Variants in RCAN1 observed in about 807,000 individuals in gnomAD.
RCAN1 encodes regulator of calcineurin 1.
A neutral mutation model predicts 22.9 loss-of-function variants in RCAN1; 11 were observed. That is an observed-to-expected ratio of 0.48 (90% CI 0.30 to 0.79). The LOEUF is 0.79. Ranked by LOEUF, RCAN1 falls within the 30% of genes least tolerant of loss-of-function variation. The pLI, the probability that RCAN1 is intolerant of heterozygous loss-of-function variation, is 0.06. For missense variants in RCAN1, 291 were observed against 337.8 expected, an observed-to-expected ratio of 0.86 and a Z score of 1.09; for synonymous variants, 136 against 142.3, an observed-to-expected ratio of 0.96 and a Z score of 0.32.
rs535671387 is a variant in RCAN1 at position 34,611,486 on chromosome 21, A to G, written c.252+3274T>C. ...ACAGCTTCTGATGTAAATTTTCAAAAGAATTCTAGTTCAGGTTAATTTTTT... is the reference window on the plus strand; with the variant it reads ...ACAGCTTCTGATGTAAATTTTCAAAGGAATTCTAGTTCAGGTTAATTTTTT... On this transcript the variant is annotated intron_variant, in intron 1 of 3. Coordinates refer to ENST00000313806, the MANE Select transcript of RCAN1 (RefSeq NM_004414.7). Among the ~76,000 whole-genome samples the G allele has an allele frequency of 1.7e-3, 262 of 152,330 alleles. 2 individuals carry two copies. Among genetic ancestry groups the G allele is most frequent in the Non-Finnish European group, 2.9e-3 (194 of 68,024 alleles).
chr21:34,565,552 C>T (rs1986971677), intron 1 of RCAN1, among the ~76,000 whole-genome samples: 1 of 152,212 alleles, frequency 6.6e-6, no homozygotes, highest in Admixed American at 6.5e-5. Flanking sequence ...CACAGGAGTA[C>T]AGCCATAACT....
intron 1 of RCAN1, among the ~76,000 whole-genome samples, chr21:34,543,056 G>A (rs2123628293): frequency 6.6e-6 from 1 of 152,320 alleles, no homozygotes; most frequent in East Asian, 1.9e-4. Flanking sequence ...TGGTGGTGGT[G>A]GCACAAATTG....
chr21:34,599,488 T>C (rs1289327228), intron 1 of RCAN1, among the ~76,000 whole-genome samples: 1 of 152,072 alleles, frequency 6.6e-6, no homozygotes, highest in Non-Finnish European at 1.5e-5. Context: ...AAGAAATACA[T>C]TGAGTCTACT....
In RCAN1 at chr21:34,561,697, T is replaced by C. The variant is rs181364983; in HGVS notation, c.253-37987A>G. Among the ~76,000 whole-genome samples, 6 of 152,300 alleles carry C rather than the reference T, an allele frequency of 3.9e-5. No individual in the cohort carries two copies. In the East Asian group the frequency reaches 7.7e-4, roughly 20 times the overall value. On this transcript the variant is annotated intron_variant, in intron 1 of 3. Coordinates refer to ENST00000313806, the MANE Select transcript of RCAN1 (RefSeq NM_004414.7). ...AAGTTAGCTACCTCAGTAAACTGTT[T>C]ATGAAAAAAAGAGAAGCTAAACATG...
intron 1 of RCAN1, among the ~76,000 whole-genome samples, chr21:34,607,267 A>G (rs1252098697): frequency 6.6e-6 from 1 of 152,248 alleles, no homozygotes; most frequent in Non-Finnish European, 1.5e-5. Context: ...ATGTTAAACT[A>G]TAGTGGCTAA....
chr21:34,556,313 T>C (rs996554350), intron 1 of RCAN1, among the ~76,000 whole-genome samples: 4 of 149,800 alleles, frequency 2.7e-5, no homozygotes, highest in Admixed American at 2.7e-4. Context: ...CTAGTCCCAG[T>C]TACTTGGGAG....
At chr21:34,601,614 C>G (rs533303440) in intron 1 of RCAN1, among the ~76,000 whole-genome samples, 2 of 152,092 alleles carry the variant, frequency 1.3e-5, no homozygotes, top group Non-Finnish European at 2.9e-5. Flanking sequence ...GTCAGGAGAT[C>G]GAGATCATCT....
chr21:34,532,698 C>T (rs1985454017), intron 1 of RCAN1, among the ~76,000 whole-genome samples: 2 of 152,210 alleles, frequency 1.3e-5, no homozygotes, highest in African/African-American at 4.8e-5. Context: ...CGACAGATGT[C>T]ATCTCATTCA....
intron 1 of RCAN1, among the ~76,000 whole-genome samples, chr21:34,575,612 T>A (rs894579940): frequency 6.6e-6 from 1 of 152,150 alleles, no homozygotes; most frequent in African/African-American, 2.4e-5. Flanking sequence ...AGCCTCAACC[T>A]CCCGGGCTCA....
intron 1 of RCAN1, among the ~76,000 whole-genome samples, chr21:34,566,014 G>A (rs944795742): frequency 3.3e-5 from 5 of 152,158 alleles, no homozygotes; most frequent in South Asian, 2.1e-4. Context: ...AACCTGCTAC[G>A]TCTCTGGAAT....
intron 1 of RCAN1, among the ~76,000 whole-genome samples, chr21:34,527,178 CT>C (rs1985119350): frequency 6.6e-6 from 1 of 152,112 alleles, no homozygotes; most frequent in South Asian, 2.1e-4. Context: ...GACGACCCTT[CT>C]TAAGATGGAA....
At chr21:34,522,020 C>T (rs1984600799) in intron 2 of RCAN1, 1 of 191,486 alleles carries the variant, frequency 5.2e-6, no homozygotes, top group Non-Finnish European at 1.1e-5. Flanking sequence ...CAGTCTCTCC[C>T]CGCTCCTCAT....
At chr21:34,595,573 T>C (rs953979499) in intron 1 of RCAN1, among the ~76,000 whole-genome samples, 6 of 152,196 alleles carry the variant, frequency 3.9e-5, no homozygotes, top group African/African-American at 1.4e-4. Context: ...TGCAGGTTGT[T>C]GCTGTTACGT....
At chr21:34,564,372 A>T (rs1986928246) in intron 1 of RCAN1, among the ~76,000 whole-genome samples, 1 of 152,184 alleles carries the variant, frequency 6.6e-6, no homozygotes, top group Admixed American at 6.5e-5. Flanking sequence ...CAGGGGCCAG[A>T]TCCATTGGTG....
At chr21:34,595,220 C>T (rs940266913) in intron 1 of RCAN1, among the ~76,000 whole-genome samples, 6 of 152,302 alleles carry the variant, frequency 3.9e-5, no homozygotes, top group African/African-American at 1.4e-4. Context: ...ACCACTTGCT[C>T]TAGTAACTGG....
chr21:34,563,790 T>TAAAG (rs1317228429), intron 1 of RCAN1, among the ~76,000 whole-genome samples: 1 of 84,348 alleles, frequency 1.2e-5, no homozygotes, highest in Non-Finnish European at 2.4e-5. Flanking sequence ...TATATATATA[T>TAAAG]ATATAGAGAG....
At chr21:34,567,846 G>C (rs1252918268) in intron 1 of RCAN1, among the ~76,000 whole-genome samples, 3 of 152,192 alleles carry the variant, frequency 2.0e-5, no homozygotes, top group Non-Finnish European at 4.4e-5. Context: ...CACGAGGCTT[G>C]CTTTTGCCAC....
chr21:34,573,833 C>T (rs1422168536), intron 1 of RCAN1, among the ~76,000 whole-genome samples: 2 of 152,144 alleles, frequency 1.3e-5, no homozygotes, highest in African/African-American at 4.8e-5. Flanking sequence ...ATAATCATGC[C>T]TACTTGTAAT....
intron 1 of RCAN1, among the ~76,000 whole-genome samples, chr21:34,579,334 C>T (rs1431708360): frequency 6.6e-6 from 1 of 152,110 alleles, no homozygotes; most frequent in African/African-American, 2.4e-5. Context: ...GCCTGGTAGG[C>T]AGAGGCTGCA....
Sources: allele counts gnomAD v4.1 joint callset (sites outside exome capture counted in the v4.1 genomes callset), GRCh38; gene constraint gnomAD v4.1.1; transcripts MANE v1.5; gene names NCBI Gene and HGNC (gene_info 2026-07-23, HGNC 2026-07-21).